Variants in PCBD2 observed in about 807,000 individuals in gnomAD.
PCBD2 encodes the protein pterin-4 alpha-carbinolamine dehydratase 2, also known as pterin-4-alpha-carbinolamine dehydratase 2.
PCBD2 carries 12 observed loss-of-function variants against 16.4 expected under a neutral mutation model. That is an observed-to-expected ratio of 0.73 (90% confidence interval 0.47 to 1.19). PCBD2 has a LOEUF of 1.19. PCBD2 is among the 50% of genes most tolerant of loss of function. PCBD2 has a pLI of 0.00. For missense variants in PCBD2, 138 were observed against 156.8 expected, an observed-to-expected ratio of 0.88 and a Z score of 0.64; for synonymous variants, 58 against 61.8, an observed-to-expected ratio of 0.94 and a Z score of 0.29.
intron 2 of PCBD2, among the ~76,000 whole-genome samples, chr5:134,952,798 CCTGT>C (rs1751373299): frequency 6.7e-6 from 1 of 150,258 alleles, no homozygotes; most frequent in African/African-American, 2.4e-5. Context: ...AGAGCGAGAC[CCTGT>C]CTCTTAAAAA....
chr5:134,962,241 A>G lies in PCBD2; in HGVS notation c.*1560A>G, dbSNP rs918993775. ...TGAGTAGCAGCGGTTACAGGCATGC[A>G]TCACCACACCTGGCTTATTTTTAAA... is the stretch of plus-strand genomic sequence containing the variant. On this transcript the variant is annotated 3_prime_UTR_variant, in exon 4 of 4. Coordinates refer to ENST00000254908, the MANE Select transcript of PCBD2 (RefSeq NM_032151.5). Among the ~76,000 whole-genome samples, 1 of 152,068 alleles carries G rather than the reference A, an allele frequency of 6.6e-6. No individual in the cohort carries two copies. The highest frequency in any genetic ancestry group is 1.5e-5 in the Non-Finnish European group (1 of 68,016).
At chr5:134,952,432 T>C (rs1231626864) in intron 2 of PCBD2, among the ~76,000 whole-genome samples, 1 of 152,230 alleles carries the variant, frequency 6.6e-6, no homozygotes, top group Non-Finnish European at 1.5e-5. Flanking sequence ...TCTCAGTTTT[T>C]AGAGTTTAAA....
intron 2 of PCBD2, chr5:134,926,679 A>G: frequency 2.5e-6 from 1 of 396,978 alleles, no homozygotes; most frequent in Middle Eastern, 6.3e-4. Flanking sequence ...CCCGGTAATG[A>G]TATCGGGGTT....
chr5:134,925,613 T>TA, intron 2 of PCBD2: 1 of 397,850 alleles, frequency 2.5e-6, no homozygotes, highest in East Asian at 3.6e-5. Context: ...AGAGTGGTGA[T>TA]AGCGCCTAGG....
chr5:134,959,220 GA>G (rs1357435421), intron 3 of PCBD2, 100 bp downstream of exon 3: 15 of 862,174 alleles, frequency 1.7e-5, no homozygotes, highest in Non-Finnish European at 2.7e-5. Flanking sequence ...TTGTACTTAA[GA>G]AAGTCTTATC....
intron 2 of PCBD2, among the ~76,000 whole-genome samples, chr5:134,913,623 T>C (rs1474499411): frequency 6.6e-6 from 1 of 152,172 alleles, no homozygotes. Flanking sequence ...ATCCTGTGGC[T>C]GTGTTCTAAA....
intron 2 of PCBD2, 67 bp downstream of exon 2, chr5:134,910,533 G>A (rs1405140592): frequency 2.6e-6 from 4 of 1,534,914 alleles, no homozygotes; most frequent in Non-Finnish European, 3.6e-6. Flanking sequence ...AACACTTTCT[G>A]ATTCTGCCAG....
rs80353070 is a variant in PCBD2 at position 134,920,370 on chromosome 5, A to C, written c.216+9904A>C. Among the ~76,000 whole-genome samples the C allele has an allele frequency of 8.7e-3, 1,318 of 152,296 alleles. 14 individuals are homozygous for C. The highest frequency in any genetic ancestry group is 0.03 in the African/African-American group (1,256 of 41,548). Reference sequence around the variant, plus strand: ...ATTTTTAGATCCTACTGTGACATAGAAAGGTTGTTTTTTTGATTTTGTTGT... The same window carrying C: ...ATTTTTAGATCCTACTGTGACATAGCAAGGTTGTTTTTTTGATTTTGTTGT... On this transcript the variant is annotated intron_variant, in intron 2 of 3. Coordinates refer to ENST00000254908, the MANE Select transcript of PCBD2 (RefSeq NM_032151.5).
rs370026008 is a variant in PCBD2, at chr5:134,961,820, G to T, written c.*1139G>T. Reference sequence around the variant, plus strand: ...TCTGCTGCCCAGGCTGGAGTGCAGTGGCAGGATCACGGTTTATTGCAGCCT... The same window carrying T: ...TCTGCTGCCCAGGCTGGAGTGCAGTTGCAGGATCACGGTTTATTGCAGCCT... On this transcript the variant is annotated 3_prime_UTR_variant, in exon 4 of 4. Transcript: ENST00000254908. Among the ~76,000 whole-genome samples the T allele has an allele frequency of 5.3e-5, 8 of 152,072 alleles. No individual in the cohort carries two copies. The highest frequency in any genetic ancestry group is 1.9e-4 in the African/African-American group (8 of 41,482).
At chr5:134,911,666 A>G (rs1029844268) in intron 2 of PCBD2, among the ~76,000 whole-genome samples, 2 of 152,160 alleles carry the variant, frequency 1.3e-5, no homozygotes, top group African/African-American at 2.4e-5. Context: ...ATTTGCACCA[A>G]AGAAACCTTC....
chr5:134,945,826 TAG>T (rs776638966), intron 2 of PCBD2, among the ~76,000 whole-genome samples: 5 of 152,060 alleles, frequency 3.3e-5, no homozygotes, highest in Non-Finnish European at 7.4e-5. Flanking sequence ...TCACACCCAG[TAG>T]TGATGTTAAG....
intron 2 of PCBD2, chr5:134,925,822 A>G (rs933254387): frequency 1.3e-5 from 5 of 394,954 alleles, no homozygotes; most frequent in Admixed American, 4.4e-5. Context: ...GAAGCCTAGT[A>G]GTGGGGTGAG....
Position 134,910,473 on chromosome 5 carries a change from G to A in PCBD2, c.216+7G>A. 1 of 1,613,842 alleles carries A rather than the reference G, an allele frequency of 6.2e-7. No homozygotes were observed. Among genetic ancestry groups the A allele is most frequent in the South Asian group, 1.1e-5 (1 of 91,074 alleles). On this transcript the variant is annotated splice_region_variant and intron_variant, in intron 2 of 3. Transcript: ENST00000254908. ...CTTCCACAATTTTAATCAGGTAATT[G>A]TTATAAATTCTTGCTAGGGCTGTGG...
intron 2 of PCBD2, among the ~76,000 whole-genome samples, chr5:134,957,229 A>G (rs1183548729): frequency 2.9e-4 from 44 of 152,242 alleles, no homozygotes; most frequent in Non-Finnish European, 2.9e-5. Flanking sequence ...ACTGCACTCC[A>G]GCCTGGGCAG....
At chr5:134,955,945 T>A (rs1477435566) in intron 2 of PCBD2, among the ~76,000 whole-genome samples, 2 of 152,246 alleles carry the variant, frequency 1.3e-5, no homozygotes, top group Non-Finnish European at 2.9e-5. Context: ...ATAATCAAAC[T>A]TTCGTTTGAG....
chr5:134,932,582 T>TC (rs1428133925), intron 2 of PCBD2, among the ~76,000 whole-genome samples: 2 of 151,964 alleles, frequency 1.3e-5, no homozygotes, highest in East Asian at 1.9e-4. Flanking sequence ...CCTCAAGTGA[T>TC]CCCCCCTGCC....
In PCBD2 at chr5:134,954,133, A is replaced by T. The variant is rs116826586; in HGVS notation, c.217-4907A>T. ...CCACCATGCCCAGCTAATTTTTAAAATTTTTTTTGTAGAGATAGGGTCTCA... is the reference window on the plus strand; with the variant it reads ...CCACCATGCCCAGCTAATTTTTAAATTTTTTTTTGTAGAGATAGGGTCTCA... On this transcript the variant is annotated intron_variant, in intron 2 of 3. Transcript: ENST00000254908. 6.7e-3 allele frequency among the ~76,000 whole-genome samples: 1,025 copies of T among 151,942 alleles called. 9 individuals carry two copies. Among genetic ancestry groups the T allele is most frequent in the African/African-American group, 0.024 (977 of 41,464 alleles).
At chr5:134,940,433 A>T (rs10036755) in intron 2 of PCBD2, among the ~76,000 whole-genome samples, 47,746 of 147,168 alleles carry the variant, frequency 0.32, 7,948 homozygotes, top group East Asian at 0.55. Flanking sequence ...CAGCATATAT[A>T]TTTTTTTTTT....
chr5:134,924,192 T>G (rs1750951786), intron 2 of PCBD2: 2 of 396,762 alleles, frequency 5.0e-6, no homozygotes, highest in South Asian at 2.6e-4. Context: ...TTCTAAGCCT[T>G]CTCCTATTTA....
Sources: gnomAD v4.1 joint callset for allele counts (sites outside exome capture counted in the v4.1 genomes callset) on GRCh38, gnomAD v4.1.1 for gene constraint, MANE v1.5 for transcripts, NCBI Gene and HGNC (gene_info 2026-07-23, HGNC 2026-07-21) for gene names.